Variants in DGKZ observed in about 807,000 individuals in gnomAD.
DGKZ encodes DAG kinase zeta.
DGKZ carries 45 observed loss-of-function variants against 142.5 expected under a neutral mutation model. That is an observed-to-expected ratio of 0.32 (90% CI 0.25 to 0.40). The LOEUF is 0.40. Ranked by LOEUF, DGKZ falls within the 10% of genes least tolerant of loss-of-function variation. DGKZ has a pLI of 1.00. For missense variants in DGKZ, 755 were observed against 1,306.5 expected (o/e 0.58, Z 6.51); for synonymous variants, 442 against 527.0 (o/e 0.84, Z 2.21).
At chr11:46,341,466 T>C (rs1211906880) in intron 1 of DGKZ, among the ~76,000 whole-genome samples, 1 of 152,190 alleles carries the variant, frequency 6.6e-6, no homozygotes, top group Non-Finnish European at 1.5e-5. Flanking sequence ...TTGGTAGATA[T>C]TTATGAAATA....
At chr11:46,343,955 CTT>C (rs36078017), upstream of DGKZ, among the ~76,000 whole-genome samples, 6 of 144,806 alleles carry the variant, frequency 4.1e-5, no homozygotes, top group Non-Finnish European at 3.0e-5. Flanking sequence ...TATAGCACAT[CTT>C]TTTTTTTTTT....
chr11:46,375,007 G>C, exon 19 of DGKZ: 1 of 1,610,564 alleles, frequency 6.2e-7, no homozygotes, highest in Non-Finnish European at 8.5e-7. Flanking sequence ...GCATGACGAC[G>C]GCTACCTCGA....
chr11:46,350,554 G>A (rs947141337), intron 1 of DGKZ, among the ~76,000 whole-genome samples: 2 of 140,750 alleles, frequency 1.4e-5, no homozygotes, highest in African/African-American at 2.6e-5. Context: ...GGGGCCCGAC[G>A]GGAAGATCAA....
chr11:46,374,866 G>T, intron 18 of DGKZ, 27 bp downstream of exon 18: 1 of 1,583,568 alleles, frequency 6.3e-7, no homozygotes, highest in East Asian at 2.2e-5. Context: ...CGGAGCTGGG[G>T]GGAGCCCTGC....
chr11:46,357,692 G>T (rs1291156785), intron 1 of DGKZ, among the ~76,000 whole-genome samples: 1 of 152,248 alleles, frequency 6.6e-6, no homozygotes, highest in Non-Finnish European at 1.5e-5. Flanking sequence ...GGAGCTCGCG[G>T]TCTGGTGGAG....
intron 1 of DGKZ, among the ~76,000 whole-genome samples, chr11:46,339,351 G>A (rs1191865138): frequency 6.6e-6 from 1 of 152,254 alleles, no homozygotes; most frequent in Non-Finnish European, 1.5e-5. Context: ...AAAACCAGGG[G>A]CAGAGAGCTG....
In DGKZ at chr11:46,372,891, A is replaced by G; in HGVS notation, c.1185+7A>G. On this transcript the variant is annotated splice_region_variant and intron_variant, in intron 13 of 30. Transcript: ENST00000527911. The surrounding 1 kb of genome is among the most constrained non-coding windows in gnomAD (Gnocchi z 5.9). ...AACCCTCAACTGGGGTGGGGTAAGC[A>G]CCCATAGGAGGGGGGTGCAGCTGGG... 1 of 1,572,954 alleles carries G rather than the reference A, an allele frequency of 6.4e-7. No individual in the cohort carries two copies. Among genetic ancestry groups the G allele is most frequent in the Non-Finnish European group, 8.6e-7 (1 of 1,159,098 alleles).
upstream of DGKZ, among the ~76,000 whole-genome samples, chr11:46,347,202 C>T (rs1371487757): frequency 6.6e-6 from 1 of 152,124 alleles, no homozygotes; most frequent in Non-Finnish European, 1.5e-5. The surrounding 1 kb of genome is among the most constrained non-coding windows in gnomAD (Gnocchi z 6.4). Flanking sequence ...AGATGCGCGT[C>T]TGGATGCGCG....
At chr11:46,344,232 T>C (rs555456391), upstream of DGKZ, among the ~76,000 whole-genome samples, 27 of 152,038 alleles carry the variant, frequency 1.8e-4, no homozygotes, top group African/African-American at 6.3e-4. Context: ...ACATCTTGTT[T>C]GCTGACATTA....
Position 46,375,967 on chromosome 11 carries a change from C to G in DGKZ, c.2011+16C>G. 1 of 1,610,878 alleles carries G rather than the reference C, an allele frequency of 6.2e-7. No individual in the cohort carries two copies. The highest frequency in any genetic ancestry group is 8.5e-7 in the Non-Finnish European group (1 of 1,179,118). ...AAGGAGGCCTGTGAGTGCGGTGGGG[C>G]GGCCTGGCAGGGTGGCCAGGAGGGG... On this transcript the variant is annotated intron_variant, in intron 21 of 30. Transcript: ENST00000527911.
intron 25 of DGKZ, 94 bp from the exon 26 acceptor site, chr11:46,378,102 CTG>C (rs1036099340): frequency 5.7e-5 from 85 of 1,480,914 alleles, no homozygotes; most frequent in Non-Finnish European, 2.7e-5. Flanking sequence ...ACTCAATAAA[CTG>C]TGGAAAGGAT....
intron 1 of DGKZ, among the ~76,000 whole-genome samples, chr11:46,338,357 G>A (rs950816496): frequency 9.9e-5 from 15 of 151,814 alleles, no homozygotes; most frequent in Non-Finnish European, 1.8e-4. Flanking sequence ...TTAGCCAGGC[G>A]TGATGGTGGG....
chr11:46,346,263 G>A (rs530579554), upstream of DGKZ, among the ~76,000 whole-genome samples: 57 of 152,354 alleles, frequency 3.7e-4, no homozygotes, highest in African/African-American at 4.8e-4. Context: ...GGATGAAAGC[G>A]AAGGTGACAC....
At chr11:46,333,331 G>A (rs1159153652) in exon 1 of DGKZ, 6 of 1,329,116 alleles carry the variant, frequency 4.5e-6, no homozygotes, top group South Asian at 2.0e-5. Context: ...GGCGGCGGCC[G>A]GGCAGCCGAG....
At chr11:46,359,060 T>C (rs1265497217) in intron 1 of DGKZ, among the ~76,000 whole-genome samples, 1 of 151,992 alleles carries the variant, frequency 6.6e-6, no homozygotes, top group Non-Finnish European at 1.5e-5. Context: ...GGAGAATCAC[T>C]TGAGCCTGGG....
chr11:46,376,961 T>C, intron 24 of DGKZ, 112 bp from the exon 25 acceptor site: 1 of 978,028 alleles, frequency 1.0e-6, no homozygotes, highest in Non-Finnish European at 1.6e-6. Flanking sequence ...CCTGGCCACC[T>C]CCTTTCAGTG....
intron 6 of DGKZ, among the ~76,000 whole-genome samples, chr11:46,370,867 T>C (rs1171779822): frequency 6.6e-6 from 1 of 152,158 alleles, no homozygotes; most frequent in East Asian, 1.9e-4. Context: ...GTGGATCACC[T>C]GAGGTCAGGA....
At position 46,374,797 on chromosome 11, in the gene DGKZ, A is replaced by G; in HGVS notation, c.1556A>G (p.Gln519Arg). The G allele has an allele frequency of 5.6e-6, 9 of 1,608,400 alleles. No homozygotes were observed. Among genetic ancestry groups the G allele is most frequent in the Non-Finnish European group, 7.7e-6 (9 of 1,176,192 alleles). ...GGAATGGACTTGACTCCCAAGATCC[A>G]GGACCTGAAACCCCAGTGTGTTGTT... Residue 519 changes from glutamine (Q) to arginine (R), a missense_variant, in exon 18 of 31, where the codon CAG (glutamine) becomes CGG (arginine). Physicochemically the swap from Gln to Arg is conservative, Grantham distance 43 (BLOSUM62 1). Coordinates refer to ENST00000527911, the Ensembl canonical transcript of DGKZ.
At chr11:46,342,265 G>T (rs895491916) in intron 1 of DGKZ, among the ~76,000 whole-genome samples, 5 of 152,174 alleles carry the variant, frequency 3.3e-5, no homozygotes, top group Non-Finnish European at 7.3e-5. Flanking sequence ...TTCCAGCCGT[G>T]TCCTCCCCAC....
Sources: gnomAD v4.1 joint callset for allele counts (sites outside exome capture counted in the v4.1 genomes callset) on GRCh38, gnomAD v4.1.1 for gene constraint, Gnocchi (gnomAD v3.1) non-coding constraint, MANE v1.5 for transcripts, NCBI Gene and HGNC (gene_info 2026-07-23, HGNC 2026-07-21) for gene names.